CELSR1: variants seen among roughly 807,000 people sequenced by gnomAD.
CELSR1 encodes the protein cadherin EGF LAG seven-pass G-type receptor 1, also known as adhesion G protein-coupled receptor C1.
Under a neutral mutation model 249.1 loss-of-function variants are expected in CELSR1, and 110 were observed. The observed-to-expected ratio is 0.44, with a 90% confidence interval of 0.38 to 0.52. The LOEUF is 0.52. CELSR1 is among the 20% of genes least tolerant of loss of function. The probability of loss-of-function intolerance (pLI) is 0.00; values close to 1 mark genes in which losing one functional copy is unlikely to be tolerated. For synonymous variants in CELSR1, 2,113 were observed against 1,900.0 expected (o/e 1.11, Z -2.92); for missense variants, 4,109 against 4,296.4 (o/e 0.96, Z 1.22).
intron 30 of CELSR1, 123 bp downstream of exon 30, chr22:46,366,258 AGGTGC>A (rs1555903665): frequency 7.6e-6 from 4 of 523,016 alleles, no homozygotes; most frequent in Admixed American, 3.4e-5. Context: ...GGTGGGAAGA[AGGTGC>A]GGGTGGAAAG....
chr22:46,369,878 G>C, intron 25 of CELSR1, 74 bp from the exon 26 acceptor site: 1 of 1,324,506 alleles, frequency 7.5e-7, no homozygotes, highest in Non-Finnish European at 1.1e-6. Flanking sequence ...GGACCAGCCA[G>C]GGTGGGGTGA....
At chr22:46,378,845 T>A (rs2078947442) in intron 22 of CELSR1, 128 bp from the exon 23 acceptor site, 2 of 1,252,928 alleles carry the variant, frequency 1.6e-6, no homozygotes, top group Admixed American at 4.8e-5. Context: ...GCAGGTGCCG[T>A]GAGTGCTGAA....
Position 46,534,943 on chromosome 22 carries a change from A to G in CELSR1, c.2228T>C (p.Leu743Pro), listed in dbSNP as rs2080834832. The G allele has an allele frequency of 6.2e-7, 1 of 1,612,292 alleles. No individual in the cohort carries two copies. Among genetic ancestry groups the G allele is most frequent in the Non-Finnish European group, 8.5e-7 (1 of 1,179,926 alleles). ...GTCCAGAGGTAGCGCCAGGGTGATG[A>G]GGCCGCCCCCTCTCTGGCTGCTGAG... is the stretch of plus-strand genomic sequence containing the variant. The part of the protein sequence containing the change: ...FALSSQRGGG[L>P]ITLALPLDYK... Residue 743 changes from leucine to proline, a missense_variant, in exon 1 of 35, where the codon CTC becomes CCC. By Grantham distance (98) the Leu-to-Pro change is moderately conservative. This residue lies in a region of CELSR1 where 886 missense variants were observed against 896.5 expected (regional missense o/e 0.99). Transcript: ENST00000674500. The surrounding 1 kb of genome is among the most constrained non-coding windows in gnomAD (Gnocchi z 9.7).
chr22:46,459,616 C>T (rs2079997214), intron 2 of CELSR1, among the ~76,000 whole-genome samples: 1 of 152,260 alleles, frequency 6.6e-6, no homozygotes, highest in Non-Finnish European at 1.5e-5. Context: ...GAGGCCGCTT[C>T]TCTGCCGTGG....
At chr22:46,388,549 G>A (rs1238785586) in intron 18 of CELSR1, among the ~76,000 whole-genome samples, 3 of 150,166 alleles carry the variant, frequency 2.0e-5, no homozygotes, top group Non-Finnish European at 3.0e-5. Context: ...CTTTGTGGAT[G>A]AGGAGGTCCC....
At chr22:46,508,377 T>G (rs1055795072) in intron 1 of CELSR1, among the ~76,000 whole-genome samples, 1 of 152,026 alleles carries the variant, frequency 6.6e-6, no homozygotes, top group Non-Finnish European at 1.5e-5. Flanking sequence ...GGGCCCTGCC[T>G]CCTGCCTGCT....
Position 46,411,496 on chromosome 22 carries a change from G to T in CELSR1, c.4769+106C>A. ...CTCTAGCCTGGAATGAGGTCGCCAG[G>T]GCACTGCACCCAGAGTGCCTACGTG... On this transcript the variant is annotated intron_variant, in intron 6 of 34. Coordinates refer to ENST00000674500, the MANE Select transcript of CELSR1 (RefSeq NM_001378328.1). This position sits in a 1 kb window ranked among gnomAD's most constrained non-coding sequence, Gnocchi z 4.2. The T allele has an allele frequency of 7.5e-7, 1 of 1,329,604 alleles. No homozygotes were observed. The highest frequency in any genetic ancestry group is 1.0e-6 in the Non-Finnish European group (1 of 972,430). 82.4% of individuals were successfully genotyped at this position (1,329,604 alleles called of 1,614,324 possible).
rs773716345 is a variant in CELSR1 at position 46,409,774 on chromosome 22, G to A, written c.5040C>T (p.Gly1680=). 9 of 1,613,622 alleles carry A rather than the reference G, an allele frequency of 5.6e-6. No homozygotes were observed. Among genetic ancestry groups the A allele is most frequent in the East Asian group, 2.2e-5 (1 of 44,870 alleles). The change falls in exon 8 of 35, where the codon GGC becomes GGT. Residue 1680 remains glycine (G), a synonymous_variant. Transcript: ENST00000674500. The surrounding 1 kb of genome is among the most constrained non-coding windows in gnomAD (Gnocchi z 9.8). ...ACTCACCTTGCTCACAGTTCTTCCCGCCGAATCGGAGTGGACACTCACACA... is the reference window on the plus strand; with the variant it reads ...ACTCACCTTGCTCACAGTTCTTCCCACCGAATCGGAGTGGACACTCACACA... The part of the protein sequence containing the change: ...MYLCECPLRF[G]GKNCEQAMPH...
Position 46,410,545 on chromosome 22 carries a change from C to A in CELSR1, c.4786G>T (p.Gly1596Cys). The change falls in exon 7 of 35, where the codon GGC (glycine) becomes TGC (cysteine). Residue 1596 changes from glycine (G) to cysteine (C), a missense_variant. Around this residue, in one of 7 missense-constraint regions of CELSR1, gnomAD observed 453 missense variants for 492.0 expected, o/e 0.92. Transcript: ENST00000674500. This position sits in a 1 kb window ranked among gnomAD's most constrained non-coding sequence, Gnocchi z 6.8. ...GGGACACCCCCCAGGAGTAGAGGGC[C>A]GGTCAGATCCAGGGACCTGGGTAGG... The part of the protein sequence containing the change: ...TGSKKSLDLT[G>C]PLLLGGVPNL... 1 of 1,613,772 alleles carries A rather than the reference C, an allele frequency of 6.2e-7. No individual in the cohort carries two copies. Among genetic ancestry groups the A allele is most frequent in the Non-Finnish European group, 8.5e-7 (1 of 1,179,902 alleles).
intron 5 of CELSR1, among the ~76,000 whole-genome samples, chr22:46,420,950 G>T (rs891541992): frequency 6.6e-6 from 1 of 152,128 alleles, no homozygotes; most frequent in East Asian, 1.9e-4. Context: ...GCAGGAAAAC[G>T]CGACAGCCCT....
intron 1 of CELSR1, among the ~76,000 whole-genome samples, chr22:46,507,379 C>T (rs2080525311): frequency 6.6e-6 from 1 of 152,070 alleles, no homozygotes; most frequent in Non-Finnish European, 1.5e-5. Context: ...GACACCATCA[C>T]TGCCTCCCCT....
rs953146193 is a variant in CELSR1, at chr22:46,468,168, A to C, written c.3545-3823T>G. 3.9e-5 allele frequency among the ~76,000 whole-genome samples: 6 copies of C among 151,924 alleles called. No homozygotes were observed. Among genetic ancestry groups the C allele is most frequent in the Non-Finnish European group, 8.8e-5 (6 of 68,000 alleles). On this transcript the variant is annotated intron_variant, in intron 1 of 34. Coordinates refer to ENST00000674500, the MANE Select transcript of CELSR1 (RefSeq NM_001378328.1). The surrounding 1 kb of genome is among the most constrained non-coding windows in gnomAD (Gnocchi z 4.5). ...TTTGGGAGGCCGAGGTGGGTGGATC[A>C]CGACGTCAGGAGTTCAAGACCAGCC...
chr22:46,534,888 C>T lies in CELSR1; in HGVS notation c.2283G>A (p.Ala761=), dbSNP rs557146680. The change falls in exon 1 of 35, where the codon GCG becomes GCA. Residue 761 remains alanine (A), a synonymous_variant. Transcript: ENST00000674500. The surrounding 1 kb of genome is among the most constrained non-coding windows in gnomAD (Gnocchi z 9.7). ...ACCGTGTGCCGTCGGATGCTGTCACCGCCAGCACGTACTGCTGCTCCTGCT... is the reference window on the plus strand; with the variant it reads ...ACCGTGTGCCGTCGGATGCTGTCACTGCCAGCACGTACTGCTGCTCCTGCT... ...DYKQEQQYVL[A]VTASDGTRSH... is the part of the protein sequence containing the mutation. 3 of 1,612,572 alleles carry T rather than the reference C, an allele frequency of 1.9e-6. No individual in the cohort carries two copies. The highest frequency in any genetic ancestry group is 2.2e-5 in the South Asian group (2 of 91,082).
chr22:46,423,377 G>T lies in CELSR1; in HGVS notation c.4611+10016C>A, dbSNP rs1450235063. On this transcript the variant is annotated intron_variant, in intron 5 of 34. Transcript: ENST00000674500. This position sits in a 1 kb window ranked among gnomAD's most constrained non-coding sequence, Gnocchi z 5.6. ...TAATCCCAGCACTTTGGGAGGCCGA[G>T]GGGGGCAGATCACCTGAGGTCAGGA... Among the ~76,000 whole-genome samples the T allele has an allele frequency of 6.6e-6, 1 of 151,134 alleles. No individual in the cohort carries two copies. Among genetic ancestry groups the T allele is most frequent in the Admixed American group, 6.6e-5 (1 of 15,116 alleles).
chr22:46,370,895 C>T (rs886665032), intron 25 of CELSR1, among the ~76,000 whole-genome samples: 4 of 152,176 alleles, frequency 2.6e-5, no homozygotes, highest in South Asian at 2.1e-4. Context: ...CAAAACAAAC[C>T]GAAACCTGTT....
chr22:46,517,227 T>G lies in CELSR1; in HGVS notation c.3544+16400A>C, dbSNP rs1423961623. Among the ~76,000 whole-genome samples, 1 of 152,226 alleles carries G rather than the reference T, an allele frequency of 6.6e-6. No homozygotes were observed. Among genetic ancestry groups the G allele is most frequent in the Admixed American group, 6.5e-5 (1 of 15,288 alleles). ...GCCCCTGAAGGGGCTTGGCCCATTT[T>G]CCCACTGCTCCACCTTTGCTCTGGC... On this transcript the variant is annotated intron_variant, in intron 1 of 34. Coordinates refer to ENST00000674500, the MANE Select transcript of CELSR1 (RefSeq NM_001378328.1). The surrounding 1 kb of genome is among the most constrained non-coding windows in gnomAD (Gnocchi z 5.4).
chr22:46,484,599 G>A lies in CELSR1; in HGVS notation c.3545-20254C>T, dbSNP rs1330797267. ...GGACAGCCTGGCAAGGGGCAGCTGC[G>A]CTCACATACCACGAGAGCTACCTGG... On this transcript the variant is annotated intron_variant, in intron 1 of 34. Coordinates refer to ENST00000674500, the MANE Select transcript of CELSR1 (RefSeq NM_001378328.1). This position sits in a 1 kb window ranked among gnomAD's most constrained non-coding sequence, Gnocchi z 4.5. Among the ~76,000 whole-genome samples the A allele has an allele frequency of 2.7e-5, 4 of 149,490 alleles. No homozygotes were observed. Among genetic ancestry groups the A allele is most frequent in the East Asian group, 3.9e-4 (2 of 5,086 alleles).
chr22:46,390,352 A>T lies in CELSR1; in HGVS notation c.6345+40T>A. ...CTCTCTCACGCATACACGAACACAC[A>T]CGTGCCCCTGCTGAACACACATCCC... On this transcript the variant is annotated intron_variant, in intron 17 of 34. Coordinates refer to ENST00000674500, the MANE Select transcript of CELSR1 (RefSeq NM_001378328.1). The surrounding 1 kb of genome is among the most constrained non-coding windows in gnomAD (Gnocchi z 6.3). 1 of 1,504,162 alleles carries T rather than the reference A, an allele frequency of 6.6e-7. No individual in the cohort carries two copies. The highest frequency in any genetic ancestry group is 9.2e-7 in the Non-Finnish European group (1 of 1,091,318). The allele number at this position is 1,504,162 out of a possible 1,614,324, so 93.2% of individuals were successfully genotyped here. A position where few individuals can be genotyped will look rare whatever the true frequency, so the allele number is the denominator to read the frequency against.
intron 20 of CELSR1, among the ~76,000 whole-genome samples, chr22:46,382,627 C>T (rs1469093154): frequency 6.6e-6 from 1 of 152,086 alleles, no homozygotes; most frequent in Non-Finnish European, 1.5e-5. Flanking sequence ...TTCACACAGG[C>T]CAAAAGGTGG....
Sources: allele counts gnomAD v4.1 joint callset (sites outside exome capture counted in the v4.1 genomes callset), GRCh38; gene constraint gnomAD v4.1.1; regional missense constraint gnomAD v4.1.1; non-coding constraint Gnocchi (gnomAD v3.1); transcripts MANE v1.5; gene names NCBI Gene and HGNC (gene_info 2026-07-23, HGNC 2026-07-21).